The following MCOLN2 variants were observed in gnomAD, a reference collection of about 807,000 sequenced individuals.
MCOLN2 encodes the protein mucolipin-2.
MCOLN2 carries 57 observed loss-of-function variants against 67.5 expected under a neutral mutation model. The ratio of observed to expected loss-of-function variants is 0.84; its 90% CI spans 0.68 to 1.05. MCOLN2 has a LOEUF of 1.05. Ranked by LOEUF, MCOLN2 falls within the 50% of genes least tolerant of loss-of-function variation. MCOLN2 has a pLI of 0.00. For missense variants in MCOLN2, 620 were observed against 678.8 expected (o/e 0.91, Z 0.96); for synonymous variants, 246 against 233.3 (o/e 1.05, Z -0.50).
intron 1 of MCOLN2, among the ~76,000 whole-genome samples, chr1:84,974,313 C>A (rs2083283): frequency 0.15 from 22,730 of 151,798 alleles, 1,845 homozygotes; most frequent in East Asian, 0.26. Flanking sequence ...ACCAGGGTGG[C>A]TAAAGGAGTG....
intron 1 of MCOLN2, among the ~76,000 whole-genome samples, chr1:84,974,270 A>G (rs111863126): frequency 9.0e-4 from 137 of 152,128 alleles, no homozygotes; most frequent in South Asian, 2.5e-3. Context: ...GCCCAGAAAC[A>G]GTGGACTAGA....
chr1:84,983,857 A>G (rs1650378585), intron 1 of MCOLN2, among the ~76,000 whole-genome samples: 1 of 151,180 alleles, frequency 6.6e-6, no homozygotes, highest in South Asian at 2.1e-4. Flanking sequence ...TTGTATTTTT[A>G]GTAGAGACAG....
At position 84,988,279 on chromosome 1, in the gene MCOLN2, T is replaced by C. The variant is rs1650718396; in HGVS notation, c.77+8517A>G. Among the ~76,000 whole-genome samples, 4 of 152,168 alleles carry C rather than the reference T, an allele frequency of 2.6e-5. No individual in the cohort carries two copies. In the South Asian group the frequency reaches 8.3e-4, roughly 32 times the overall value. On this transcript the variant is annotated intron_variant, in intron 1 of 13. Transcript: ENST00000370608. ...GTTGCACAGGCTGGTCTTGAACTCT[T>C]GGACTCAAGCAATCCTCCCACCTCG...
chr1:84,965,434 T>C, intron 2 of MCOLN2, 115 bp downstream of exon 2: 3 of 1,062,414 alleles, frequency 2.8e-6, no homozygotes, highest in Non-Finnish European at 4.1e-6. Context: ...AATATAATTT[T>C]AGTTTTATGA....
chr1:84,955,230 C>A (rs1208879192), intron 4 of MCOLN2, among the ~76,000 whole-genome samples: 1 of 152,170 alleles, frequency 6.6e-6, no homozygotes, highest in African/African-American at 2.4e-5. Context: ...CACAGCCCTG[C>A]AGAACTGTAA....
intron 4 of MCOLN2, among the ~76,000 whole-genome samples, chr1:84,952,879 G>A (rs1329248306): frequency 6.6e-6 from 1 of 152,182 alleles, no homozygotes; most frequent in Non-Finnish European, 1.5e-5. Context: ...AAAACCCAAC[G>A]TGAGAGACAT....
At chr1:84,929,427 A>G in intron 13 of MCOLN2, 131 bp downstream of exon 13, 1 of 1,068,468 alleles carries the variant, frequency 9.4e-7, no homozygotes, top group South Asian at 2.1e-5. Context: ...CAGTGGGAGG[A>G]AAGAAAAGAA....
intron 4 of MCOLN2, among the ~76,000 whole-genome samples, chr1:84,956,189 C>T (rs188581677): frequency 1.3e-5 from 2 of 152,034 alleles, no homozygotes; most frequent in East Asian, 3.9e-4. Context: ...GTGAATATAC[C>T]CCCAAACCAA....
intron 9 of MCOLN2, 115 bp downstream of exon 9, chr1:84,939,438 G>A (rs756848446): frequency 1.9e-6 from 2 of 1,052,134 alleles, no homozygotes; most frequent in East Asian, 2.4e-5. Context: ...GTGCTGGTGT[G>A]AGAAAAGGGA....
intron 13 of MCOLN2, among the ~76,000 whole-genome samples, chr1:84,926,995 A>G (rs1216039933): frequency 7.1e-6 from 1 of 141,146 alleles, no homozygotes; most frequent in Non-Finnish European, 1.5e-5. Flanking sequence ...TCTCTTAAGA[A>G]CCTCCATGCC....
At chr1:84,943,782 G>A (rs574409670) in intron 7 of MCOLN2, among the ~76,000 whole-genome samples, 7 of 152,302 alleles carry the variant, frequency 4.6e-5, no homozygotes, top group African/African-American at 1.7e-4. Context: ...GGTTCCTGAG[G>A]CTGCCATGAG....
rs183555199 is a variant in MCOLN2 at position 84,944,650 on chromosome 1, A to G, written c.847+2383T>C. Reference sequence around the variant, plus strand: ...CCCTCATCTCCAAATTCCTATATTTATGAAACCAAGTTAAATGAAGACATG... The same window carrying G: ...CCCTCATCTCCAAATTCCTATATTTGTGAAACCAAGTTAAATGAAGACATG... On this transcript the variant is annotated intron_variant, in intron 7 of 13. Transcript: ENST00000370608. 1.2e-3 allele frequency among the ~76,000 whole-genome samples: 190 copies of G among 152,366 alleles called. 1 individual carries two copies. The highest frequency in any genetic ancestry group is 2.3e-3 in the Non-Finnish European group (157 of 68,036).
intron 4 of MCOLN2, 97 bp downstream of exon 4, chr1:84,956,334 A>G: frequency 2.3e-6 from 3 of 1,300,642 alleles, no homozygotes. Context: ...GCTCTCACCA[A>G]AGCAAAGTTT....
In MCOLN2 at chr1:84,933,331, G is replaced by A. The variant is rs562123420; in HGVS notation, c.1336-1763C>T. ...ACTACCAGCCACGTGGCTGGACCAGGCAAGGTAAAGTTGGTGGCCAAGGGA... is the reference window on the plus strand; with the variant it reads ...ACTACCAGCCACGTGGCTGGACCAGACAAGGTAAAGTTGGTGGCCAAGGGA... On this transcript the variant is annotated intron_variant, in intron 11 of 13. Transcript: ENST00000370608. Among the ~76,000 whole-genome samples the A allele has an allele frequency of 2.6e-5, 4 of 152,152 alleles. No individual in the cohort carries two copies. In the East Asian group the frequency reaches 5.8e-4, roughly 22 times the overall value.
chr1:84,936,546 C>A (rs1182245154), intron 11 of MCOLN2, among the ~76,000 whole-genome samples: 1 of 152,162 alleles, frequency 6.6e-6, no homozygotes, highest in Non-Finnish European at 1.5e-5. Flanking sequence ...CATGAGTCAC[C>A]TTTAAAGCAG....
At position 84,947,087 on chromosome 1, in the gene MCOLN2, A is replaced by C; in HGVS notation, c.793T>G (p.Phe265Val). The C allele has an allele frequency of 6.2e-7, 1 of 1,605,004 alleles. No individual in the cohort carries two copies. The highest frequency in any genetic ancestry group is 8.5e-7 in the Non-Finnish European group (1 of 1,172,044). The change falls in exon 7 of 14, where the codon TTT becomes GTT. Residue 265 changes from phenylalanine to valine, a missense_variant. By Grantham distance (50) the Phe-to-Val change is conservative. Coordinates refer to ENST00000370608, the MANE Select transcript of MCOLN2 (RefSeq NM_153259.4). ...TCTTCAATTTTGGCATCACTGTCAA[A>C]ATAGATTTTGATTTTGCCACTGTGA... ...KAHSGKIKIY[F>V]DSDAKIEECK...
chr1:84,937,646 A>T, intron 11 of MCOLN2, 109 bp downstream of exon 11: 1 of 1,507,742 alleles, frequency 6.6e-7, no homozygotes, highest in South Asian at 1.3e-5. Flanking sequence ...GTGATTACTG[A>T]TGTCAAGGGT....
rs149552151 is a variant in MCOLN2 at position 84,973,174 on chromosome 1, C to T, written c.78-7466G>A. Among the ~76,000 whole-genome samples the T allele has an allele frequency of 7.4e-4, 112 of 152,328 alleles. 2 individuals carry two copies. The East Asian group carries it at 0.02, about 28-fold the overall frequency. On this transcript the variant is annotated intron_variant, in intron 1 of 13. Transcript: ENST00000370608. ...ACCTATCACACCTAAGGTGCCCTCA[C>T]TCGGTCAGTAACATCTGATGGGACT... is the stretch of plus-strand genomic sequence containing the variant.
intron 1 of MCOLN2, among the ~76,000 whole-genome samples, chr1:84,982,727 A>G (rs931882397): frequency 1.3e-5 from 2 of 152,188 alleles, no homozygotes; most frequent in Admixed American, 6.5e-5. Flanking sequence ...TGACCCCAAC[A>G]AACAAACAGA....
Sources: gnomAD v4.1 joint callset for allele counts (sites outside exome capture counted in the v4.1 genomes callset) on GRCh38, gnomAD v4.1.1 for gene constraint, MANE v1.5 for transcripts, NCBI Gene and HGNC (gene_info 2026-07-23, HGNC 2026-07-21) for gene names.